Variants in CCDC3 observed in about 807,000 individuals in gnomAD.
CCDC3 encodes the protein coiled-coil domain containing 3.
In CCDC3, 24 loss-of-function variants were observed where a neutral mutation model predicts 21.4. The ratio of observed to expected loss-of-function variants is 1.12; its 90% CI spans 0.81 to 1.58. CCDC3 has a LOEUF of 1.58. Ranked by LOEUF, CCDC3 falls within the 40% of genes most tolerant of loss-of-function variation. The probability of loss-of-function intolerance (pLI) is 0.00; values close to 1 mark genes in which losing one functional copy is unlikely to be tolerated. For missense variants in CCDC3, 425 were observed against 360.9 expected (o/e 1.18, Z -1.44); for synonymous variants, 186 against 166.0 (o/e 1.12, Z -0.93).
chr10:13,059,110 T>A (rs1052446608), intron 4 of CCDC3, among the ~76,000 whole-genome samples: 1 of 152,186 alleles, frequency 6.6e-6, no homozygotes, highest in African/African-American at 2.4e-5. Context: ...TCCCATACCG[T>A]AGACTTATTG....
At chr10:12,947,072 C>T (rs1834925916) in intron 2 of CCDC3, among the ~76,000 whole-genome samples, 1 of 151,928 alleles carries the variant, frequency 6.6e-6, no homozygotes, top group African/African-American at 2.4e-5. Context: ...ACAGCTCTGT[C>T]TCCTTAGTTT....
intron 2 of CCDC3, among the ~76,000 whole-genome samples, chr10:12,918,168 G>A (rs1214640571): frequency 6.6e-6 from 1 of 152,188 alleles, no homozygotes. Context: ...GCTAAGGTCT[G>A]ATCGGACCCA....
intron 2 of CCDC3, among the ~76,000 whole-genome samples, chr10:12,993,059 CCT>C (rs942430478): frequency 4.3e-4 from 65 of 152,306 alleles, no homozygotes; most frequent in African/African-American, 1.3e-3. Context: ...AGCACAAACC[CCT>C]GTTACTACTG....
At chr10:13,082,886 T>G (rs1837059777) in intron 3 of CCDC3, among the ~76,000 whole-genome samples, 1 of 152,226 alleles carries the variant, frequency 6.6e-6, no homozygotes, top group Non-Finnish European at 1.5e-5. Context: ...AACTAATGAT[T>G]AATAATATTC....
chr10:13,031,227 A>T (rs1836296337), intron 5 of CCDC3, among the ~76,000 whole-genome samples: 1 of 152,206 alleles, frequency 6.6e-6, no homozygotes, highest in Non-Finnish European at 1.5e-5. Flanking sequence ...AAACTGAACA[A>T]CCTGCTCCTG....
rs141340896 is a variant in CCDC3, at chr10:13,007,374, C to G, written c.-1-8862G>C. 1.6e-4 allele frequency among the ~76,000 whole-genome samples: 24 copies of G among 152,290 alleles called. No individual in the cohort carries two copies. The East Asian group carries it at 3.5e-3, about 22-fold the overall frequency. ...AATTGTAGTCAACCAATCAAGTAAGCTATTAGAGTCACCTCTAGAAGTATA... is the reference window on the plus strand; with the variant it reads ...AATTGTAGTCAACCAATCAAGTAAGGTATTAGAGTCACCTCTAGAAGTATA... On this transcript the variant is annotated intron_variant, in intron 5 of 6. Coordinates refer to the CCDC3 transcript ENST00000378839.
At chr10:12,992,305 G>A (rs1021598267) in intron 2 of CCDC3, among the ~76,000 whole-genome samples, 1 of 152,024 alleles carries the variant, frequency 6.6e-6, no homozygotes, top group East Asian at 1.9e-4. Flanking sequence ...CATGAGAATC[G>A]CTTGAACCTC....
At chr10:12,931,655 T>C (rs1185229020) in intron 2 of CCDC3, among the ~76,000 whole-genome samples, 1 of 152,266 alleles carries the variant, frequency 6.6e-6, no homozygotes, top group Non-Finnish European at 1.5e-5. Flanking sequence ...TAAAGTTTTC[T>C]TCCTGTTGCC....
chr10:13,054,662 T>G (rs535328971), intron 4 of CCDC3, among the ~76,000 whole-genome samples: 1 of 152,192 alleles, frequency 6.6e-6, no homozygotes, highest in East Asian at 1.9e-4. Flanking sequence ...TCCTCTCCCC[T>G]CCTCTCTGCT....
In CCDC3 at chr10:12,998,330, A is replaced by C. The variant is rs368111870; in HGVS notation, c.549+8T>G. 6.2e-6 allele frequency: 10 copies of C among 1,613,086 alleles called. No individual in the cohort carries two copies. The Admixed American group carries it at 1.7e-4, about 27-fold the overall frequency. ...TTTGCTGTGGCACAGGATTTAGCCA[A>C]TTCTTACCCTACTGTCTTCCTGGAT... On this transcript the variant is annotated splice_region_variant and intron_variant, in intron 2 of 2. Coordinates refer to ENST00000378825, the MANE Select transcript of CCDC3 (RefSeq NM_031455.4).
intron 5 of CCDC3, among the ~76,000 whole-genome samples, chr10:13,018,791 G>A (rs948826091): frequency 6.6e-6 from 1 of 151,840 alleles, no homozygotes; most frequent in Non-Finnish European, 1.5e-5. Context: ...AAAATCAGCT[G>A]GGCGAGGTGG....
chr10:12,959,061 G>A (rs1344863349), intron 2 of CCDC3, among the ~76,000 whole-genome samples: 2 of 152,174 alleles, frequency 1.3e-5, no homozygotes, highest in South Asian at 4.1e-4. Context: ...GGGAATGAAG[G>A]ATTAAATACT....
intron 5 of CCDC3, among the ~76,000 whole-genome samples, chr10:13,032,299 G>A (rs547719018): frequency 6.6e-6 from 1 of 152,244 alleles, no homozygotes; most frequent in African/African-American, 2.4e-5. Context: ...AGCCCTTCAT[G>A]CTAAAAATTC....
chr10:12,898,217 G>A lies in CCDC3; in HGVS notation c.*199C>T. On this transcript the variant is annotated 3_prime_UTR_variant, in exon 3 of 3. Coordinates refer to ENST00000378825, the MANE Select transcript of CCDC3 (RefSeq NM_031455.4). ...CTGCGTCTGGGGTCAGGCCAGGAAG[G>A]GGCAGCGCGTGGGGTCTGACATTGA... 1.6e-6 allele frequency: 1 copy of A among 645,046 alleles called. No homozygotes were observed. The highest frequency in any genetic ancestry group is 2.6e-6 in the Non-Finnish European group (1 of 382,574). The allele number at this position is 645,046 out of a possible 1,614,324, so 40.0% of individuals were successfully genotyped here.
intron 2 of CCDC3, among the ~76,000 whole-genome samples, chr10:12,935,040 G>A (rs977610942): frequency 4.6e-5 from 7 of 151,562 alleles, no homozygotes; most frequent in East Asian, 3.9e-4. Context: ...CTGGGACTAC[G>A]GATGTGCACT....
At chr10:12,985,027 CAGTT>C (rs770276121) in intron 2 of CCDC3, among the ~76,000 whole-genome samples, 127 of 152,232 alleles carry the variant, frequency 8.3e-4, no homozygotes, top group Non-Finnish European at 1.4e-3. Flanking sequence ...CTTAATTGTA[CAGTT>C]AGAGACTCAA....
At chr10:13,054,421 C>T (rs187401021) in intron 4 of CCDC3, among the ~76,000 whole-genome samples, 3 of 151,970 alleles carry the variant, frequency 2.0e-5, no homozygotes, top group Non-Finnish European at 2.9e-5. Context: ...TTTTGTCCCC[C>T]ACTCAGTAGC....
At chr10:13,048,408 A>T (rs550129601) in intron 5 of CCDC3, among the ~76,000 whole-genome samples, 1 of 152,012 alleles carries the variant, frequency 6.6e-6, no homozygotes, top group East Asian at 1.9e-4. Context: ...TGGCCAGGAC[A>T]GTCTTGATTT....
intron 5 of CCDC3, among the ~76,000 whole-genome samples, chr10:13,016,077 C>G (rs1836055042): frequency 6.6e-6 from 1 of 151,888 alleles, no homozygotes. Context: ...TATACACCTA[C>G]TATGTACCCA....
Sources: allele counts gnomAD v4.1 joint callset (sites outside exome capture counted in the v4.1 genomes callset), GRCh38; gene constraint gnomAD v4.1.1; transcripts MANE v1.5; gene names NCBI Gene and HGNC (gene_info 2026-07-23, HGNC 2026-07-21).